PAXBP1: variants seen among roughly 807,000 people sequenced by gnomAD.
The protein encoded by PAXBP1 is PAX3 and PAX7 binding protein 1.
Under a neutral mutation model 119.9 loss-of-function variants are expected in PAXBP1, and 44 were observed. The observed-to-expected ratio is 0.37, with a 90% CI of 0.29 to 0.47. The LOEUF is 0.47. PAXBP1 is among the 20% of genes least tolerant of loss of function. The pLI is 0.99. For synonymous variants in PAXBP1, 393 were observed against 406.6 expected, an observed-to-expected ratio of 0.97 and a Z score of 0.40; for missense variants, 898 against 1,134.1, an observed-to-expected ratio of 0.79 and a Z score of 2.99.
rs1038879922 is a variant in PAXBP1, at chr21:32,771,591, C to T, written c.78G>A (p.Glu26=). 10 of 1,462,122 alleles carry T rather than the reference C, an allele frequency of 6.8e-6. No individual in the cohort carries two copies. The highest frequency in any genetic ancestry group is 4.4e-5 in the African/African-American group (3 of 67,860). The allele number at this position is 1,462,122 out of a possible 1,614,324, so 90.6% of individuals were successfully genotyped here. A position where few individuals can be genotyped will look rare whatever the true frequency, so the allele number is the denominator to read the frequency against. Residue 26 remains glutamate (E), a synonymous_variant, in exon 1 of 18, where the codon GAG becomes GAA. Transcript: ENST00000331923. ...GCGGCAACAACGGCGGCGGCTCCTG[C>T]TCCTCATCGCGTTCCCGCTCTTCCT... ...SEEEERERDE[E]QEPPPLLPPP... is the part of the protein sequence containing the mutation.
At chr21:32,770,960 T>C (rs1037978947) in intron 1 of PAXBP1, among the ~76,000 whole-genome samples, 7 of 152,254 alleles carry the variant, frequency 4.6e-5, no homozygotes, top group Non-Finnish European at 1.0e-4. Flanking sequence ...CGCAGTGACC[T>C]GCAGAGGGCT....
intron 1 of PAXBP1, among the ~76,000 whole-genome samples, chr21:32,771,066 C>A (rs1247382920): frequency 6.6e-6 from 1 of 152,236 alleles, no homozygotes; most frequent in Non-Finnish European, 1.5e-5. Context: ...ACCGAATTTC[C>A]CCTGAAACAC....
intron 2 of PAXBP1, among the ~76,000 whole-genome samples, chr21:32,767,932 G>A (rs1352402193): frequency 6.6e-6 from 1 of 152,058 alleles, no homozygotes; most frequent in African/African-American, 2.4e-5. Flanking sequence ...AGAATTCTGA[G>A]GAAAATAAGG....
chr21:32,755,500 T>G, intron 7 of PAXBP1, 147 bp from the exon 8 acceptor site: 1 of 1,006,846 alleles, frequency 9.9e-7, no homozygotes, highest in Non-Finnish European at 1.4e-6. Context: ...AGTAGCAAAT[T>G]CTGTTTTATG....
intron 17 of PAXBP1, among the ~76,000 whole-genome samples, chr21:32,735,600 T>G (rs921266658): frequency 4.6e-5 from 7 of 152,204 alleles, no homozygotes; most frequent in African/African-American, 1.7e-4. Context: ...TAGGAAGTAA[T>G]CCTCAAATTT....
chr21:32,746,103 T>C (rs561246411), intron 11 of PAXBP1, among the ~76,000 whole-genome samples: 27 of 152,184 alleles, frequency 1.8e-4, no homozygotes, highest in Non-Finnish European at 3.1e-4. Context: ...TTACACCATA[T>C]ACAAAAGTTA....
chr21:32,739,275 T>C (rs2043738142), intron 15 of PAXBP1, among the ~76,000 whole-genome samples: 1 of 152,206 alleles, frequency 6.6e-6, no homozygotes, highest in Non-Finnish European at 1.5e-5. Context: ...AGAAGCCCAG[T>C]TGAGAAGAGC....
intron 15 of PAXBP1, among the ~76,000 whole-genome samples, chr21:32,739,938 TAAAAAAAAA>T (rs756477858): frequency 1.5e-4 from 7 of 47,008 alleles, no homozygotes; most frequent in African/African-American, 4.6e-4. Context: ...CTCGTCTCTT[TAAAAAAAAA>T]AAAAAAAAAA....
At chr21:32,751,457 C>G in intron 8 of PAXBP1, 1 of 377,100 alleles carries the variant, frequency 2.7e-6, no homozygotes, top group Non-Finnish European at 5.0e-6. Flanking sequence ...AACAACCCTA[C>G]AAATATGTAA....
At chr21:32,758,416 G>A (rs947546992) in intron 7 of PAXBP1, among the ~76,000 whole-genome samples, 7 of 151,134 alleles carry the variant, frequency 4.6e-5, no homozygotes, top group African/African-American at 1.7e-4. Flanking sequence ...AAATCAATTA[G>A]GAGGTCATTT....
In PAXBP1 at chr21:32,762,559, C is replaced by T. The variant is rs1432422870; in HGVS notation, c.650-242G>A. On this transcript the variant is annotated intron_variant, in intron 3 of 17. Transcript: ENST00000331923. ...GTAATATATATGGGAAAGAGTGGGA[C>T]GGGGTAAAAAGGAAAAACCCACCAA... 2.7e-5 allele frequency among the ~76,000 whole-genome samples: 4 copies of T among 150,292 alleles called. No individual in the cohort carries two copies. In the South Asian group the frequency reaches 6.3e-4, roughly 24 times the overall value.
rs749246527 is a variant in PAXBP1, at chr21:32,759,286, G to A, written c.1194-17C>T. Reference sequence around the variant, plus strand: ...GAGTCCAACCTTAGGAACACAAAAGGATAAATATAACACATTTACATCCAA... The same window carrying A: ...GAGTCCAACCTTAGGAACACAAAAGAATAAATATAACACATTTACATCCAA... On this transcript the variant is annotated splice_polypyrimidine_tract_variant and intron_variant, in intron 6 of 17. Transcript: ENST00000331923. 2.5e-6 allele frequency: 4 copies of A among 1,609,746 alleles called. No homozygotes were observed. The highest frequency in any genetic ancestry group is 1.7e-4 in the Middle Eastern group (1 of 6,036).
At chr21:32,758,635 C>A (rs2044082006) in intron 7 of PAXBP1, among the ~76,000 whole-genome samples, 1 of 119,028 alleles carries the variant, frequency 8.4e-6, no homozygotes, top group Non-Finnish European at 1.7e-5. Flanking sequence ...TGGTAATCAT[C>A]ATCCAGGGTA....
At chr21:32,736,989 A>T (rs1246486028) in intron 17 of PAXBP1, among the ~76,000 whole-genome samples, 1 of 152,220 alleles carries the variant, frequency 6.6e-6, no homozygotes, top group Non-Finnish European at 1.5e-5. Flanking sequence ...TTCTTCAAAG[A>T]GGGAGACAGA....
chr21:32,750,420 T>C (rs1381951886), intron 10 of PAXBP1, among the ~76,000 whole-genome samples: 6 of 152,248 alleles, frequency 3.9e-5, no homozygotes, highest in South Asian at 4.1e-4. Context: ...TGGTGTGCAA[T>C]TGATATAATT....
intron 17 of PAXBP1, among the ~76,000 whole-genome samples, chr21:32,736,313 C>T (rs893231705): frequency 2.0e-5 from 3 of 152,222 alleles, no homozygotes; most frequent in Middle Eastern, 3.4e-3. Flanking sequence ...CTCAGCCTCC[C>T]GAGTAGGTGG....
At chr21:32,756,650 T>G in intron 7 of PAXBP1, 3 of 258,790 alleles carry the variant, frequency 1.2e-5, no homozygotes, top group South Asian at 1.1e-4. Context: ...CATTTACACT[T>G]CCCCATGCCC....
chr21:32,745,384 C>T (rs982084217), intron 12 of PAXBP1, among the ~76,000 whole-genome samples, 190 bp downstream of exon 12: 1 of 152,170 alleles, frequency 6.6e-6, no homozygotes, highest in African/African-American at 2.4e-5. Flanking sequence ...AACTACAGGC[C>T]CACCCTAAAG....
At chr21:32,740,459 G>T (rs1267826458) in intron 15 of PAXBP1, among the ~76,000 whole-genome samples, 1 of 152,172 alleles carries the variant, frequency 6.6e-6, no homozygotes, top group Non-Finnish European at 1.5e-5. Context: ...AATTAACTGA[G>T]ACCTGTCTCA....
Sources: allele counts gnomAD v4.1 joint callset (sites outside exome capture counted in the v4.1 genomes callset), GRCh38; gene constraint gnomAD v4.1.1; transcripts MANE v1.5; gene names NCBI Gene and HGNC (gene_info 2026-07-23, HGNC 2026-07-21).